The following FRMD4B variants were observed in gnomAD, a reference collection of about 807,000 sequenced individuals.
FRMD4B encodes the protein FERM domain containing 4B.
A neutral mutation model predicts 141.5 loss-of-function variants in FRMD4B; 74 were observed. The observed-to-expected ratio is 0.52, with a 90% CI of 0.43 to 0.63. The LOEUF is 0.63. Ranked by LOEUF, FRMD4B falls within the 30% of genes least tolerant of loss-of-function variation. The probability of loss-of-function intolerance (pLI) is 0.00; values close to 1 mark genes in which losing one functional copy is unlikely to be tolerated. For synonymous variants in FRMD4B, 506 were observed against 467.9 expected, an observed-to-expected ratio of 1.08 and a Z score of -1.05; for missense variants, 1,366 against 1,253.4, an observed-to-expected ratio of 1.09 and a Z score of -1.36.
At chr3:69,215,526 T>C (rs4586811) in intron 11 of FRMD4B, among the ~76,000 whole-genome samples, 129,012 of 151,464 alleles carry the variant, frequency 0.85, 55,398 homozygotes, top group Non-Finnish European at 0.9. Flanking sequence ...TTCCTGACCT[T>C]CTGATCCACC....
At chr3:69,478,183 G>A (rs1262844736) in intron 1 of FRMD4B, among the ~76,000 whole-genome samples, 1 of 152,080 alleles carries the variant, frequency 6.6e-6, no homozygotes, top group African/African-American at 2.4e-5. Flanking sequence ...TTTTTGAAGG[G>A]TTTTTTGTGT....
chr3:69,335,932 AG>A (rs1702535265), intron 1 of FRMD4B, among the ~76,000 whole-genome samples: 2 of 151,712 alleles, frequency 1.3e-5, no homozygotes, highest in Admixed American at 1.3e-4. Flanking sequence ...CATGTTGGCC[AG>A]GCTGGTTTTG....
intron 1 of FRMD4B, among the ~76,000 whole-genome samples, chr3:69,520,330 AAT>A (rs55912203): frequency 2.7e-5 from 2 of 73,520 alleles, no homozygotes; most frequent in African/African-American, 1.5e-4. Context: ...TATATGATGG[AAT>A]ATATATATAT....
At chr3:69,182,302 A>G (rs2107598895) in intron 20 of FRMD4B, among the ~76,000 whole-genome samples, 1 of 152,334 alleles carries the variant, frequency 6.6e-6, no homozygotes, top group South Asian at 2.1e-4. Flanking sequence ...CACAGCACTC[A>G]CAAACATTTC....
chr3:69,383,874 G>A (rs567654436), intron 1 of FRMD4B, among the ~76,000 whole-genome samples: 22 of 152,214 alleles, frequency 1.4e-4, no homozygotes, highest in South Asian at 4.1e-4. Context: ...TCTTTTCTTC[G>A]TGCTAGAAAC....
At position 69,332,173 on chromosome 3, in the gene FRMD4B, C is replaced by T. The variant is rs375669317; in HGVS notation, c.163-18656G>A. Reference sequence around the variant, plus strand: ...GCTCCCACAGGCCATGTTCAGGTGCCGGGCAGGTGGTGAGCAGGTTCCACT... The same window carrying T: ...GCTCCCACAGGCCATGTTCAGGTGCTGGGCAGGTGGTGAGCAGGTTCCACT... On this transcript the variant is annotated intron_variant, in intron 1 of 22. Transcript: ENST00000398540. Among the ~76,000 whole-genome samples the T allele has an allele frequency of 1.2e-4, 19 of 152,238 alleles. No homozygotes were observed. The South Asian group carries it at 3.1e-3, about 25-fold the overall frequency.
In FRMD4B at chr3:69,176,425, C is replaced by G. The variant is rs1027941971; in HGVS notation, c.2984+99G>C. 1.6e-5 allele frequency: 16 copies of G among 1,030,120 alleles called. No homozygotes were observed. The African/African-American group carries it at 1.8e-4, about 11-fold the overall frequency. 63.8% of individuals were successfully genotyped at this position (1,030,120 alleles called of 1,614,324 possible). ...AGTTGGCCCACAGGCTAGAGTTTGC[C>G]AACCCCTGAACTAGATTATCTGACG... is the stretch of plus-strand genomic sequence containing the variant. On this transcript the variant is annotated intron_variant, in intron 22 of 22. Transcript: ENST00000398540.
At chr3:69,214,140 G>C (rs1455366782) in intron 11 of FRMD4B, among the ~76,000 whole-genome samples, 1 of 152,034 alleles carries the variant, frequency 6.6e-6, no homozygotes, top group African/African-American at 2.4e-5. Context: ...GAAAAGAGGG[G>C]GTTTTATTTA....
At chr3:69,344,017 G>A (rs1458023209) in intron 1 of FRMD4B, among the ~76,000 whole-genome samples, 4 of 152,176 alleles carry the variant, frequency 2.6e-5, no homozygotes, top group South Asian at 2.1e-4. Flanking sequence ...TCTGTAAGCC[G>A]AAGCCTGACA....
chr3:69,298,117 C>T (rs1701090722), intron 4 of FRMD4B, among the ~76,000 whole-genome samples: 1 of 152,180 alleles, frequency 6.6e-6, no homozygotes, highest in African/African-American at 2.4e-5. Flanking sequence ...GTAAATGAGA[C>T]AATACTTTTC....
intron 1 of FRMD4B, among the ~76,000 whole-genome samples, chr3:69,501,782 C>T: frequency 6.6e-6 from 1 of 152,094 alleles, no homozygotes; most frequent in Non-Finnish European, 1.5e-5. Context: ...CTAGAAAACC[C>T]CACTGTCTCA....
chr3:69,410,887 A>T (rs1375986187), intron 2 of FRMD4B, among the ~76,000 whole-genome samples: 1 of 151,540 alleles, frequency 6.6e-6, no homozygotes, highest in East Asian at 1.9e-4. Flanking sequence ...GGTCTCAAGA[A>T]CAATATTTTT....
Position 69,169,976 on chromosome 3 carries a change from G to C in FRMD4B, c.*1885C>G, listed in dbSNP as rs2092567817. ...AGTTCTCACCAGTCATCCTCAGTGA[G>C]ACAAACTACCGCATTTCATCAATTC... is the stretch of plus-strand genomic sequence containing the variant. On this transcript the variant is annotated 3_prime_UTR_variant, in exon 23 of 23. Coordinates refer to ENST00000398540, the MANE Select transcript of FRMD4B (RefSeq NM_015123.3). The C allele has an allele frequency of 6.6e-6, 1 of 152,120 alleles. No individual in the cohort carries two copies. Among genetic ancestry groups the C allele is most frequent in the African/African-American group, 2.4e-5 (1 of 41,434 alleles). The allele number at this position is 152,120 out of a possible 1,614,324, so 9.4% of individuals were successfully genotyped here.
intron 7 of FRMD4B, among the ~76,000 whole-genome samples, chr3:69,235,449 C>G (rs1468821566): frequency 6.6e-6 from 1 of 151,812 alleles, no homozygotes; most frequent in Non-Finnish European, 1.5e-5. Flanking sequence ...CACCTGAGGT[C>G]AAGAGTTCAA....
chr3:69,190,127 A>G (rs1194849394), intron 17 of FRMD4B, among the ~76,000 whole-genome samples, 175 bp from the exon 18 acceptor site: 1 of 152,224 alleles, frequency 6.6e-6, no homozygotes, highest in Non-Finnish European at 1.5e-5. Flanking sequence ...AACAAAAATC[A>G]AAACATTTTA....
intron 1 of FRMD4B, among the ~76,000 whole-genome samples, chr3:69,513,655 A>T (rs1308254420): frequency 6.6e-6 from 1 of 152,190 alleles, no homozygotes; most frequent in Non-Finnish European, 1.5e-5. Context: ...CAAAATCCTA[A>T]CAAACAAAAT....
At chr3:69,253,436 G>A (rs2093475660) in intron 5 of FRMD4B, among the ~76,000 whole-genome samples, 1 of 152,088 alleles carries the variant, frequency 6.6e-6, no homozygotes, top group Non-Finnish European at 1.5e-5. Flanking sequence ...TATCTCCACT[G>A]TTGCTGGGAC....
intron 11 of FRMD4B, among the ~76,000 whole-genome samples, chr3:69,199,731 C>A (rs1486307663): frequency 3.9e-5 from 6 of 152,244 alleles, no homozygotes; most frequent in African/African-American, 1.2e-4. Context: ...ACTACTGATA[C>A]TCTATTGCGG....
chr3:69,536,531 G>A (rs550292668), intron 1 of FRMD4B: 25 of 695,636 alleles, frequency 3.6e-5, no homozygotes, highest in South Asian at 7.5e-5. Context: ...ACCACCGTGC[G>A]GGGGGTGGGG....
Sources: allele counts gnomAD v4.1 joint callset (sites outside exome capture counted in the v4.1 genomes callset), GRCh38; gene constraint gnomAD v4.1.1; transcripts MANE v1.5; gene names NCBI Gene and HGNC (gene_info 2026-07-23, HGNC 2026-07-21).